The following KMT2C variants were observed in gnomAD, a reference collection of about 807,000 sequenced individuals.
KMT2C encodes histone-lysine N-methyltransferase 2C.
Under a neutral mutation model 507.9 loss-of-function variants are expected in KMT2C, and 88 were observed. The observed-to-expected ratio is 0.17, with a 90% CI of 0.15 to 0.21. The LOEUF (loss-of-function observed/expected upper bound fraction) is 0.21, where lower values mean the gene tolerates loss of function less well. Among genes scored for constraint, KMT2C ranks in the 10% least tolerant of loss-of-function variants. KMT2C has a pLI of 1.00. For missense variants in KMT2C, 4,954 were observed against 5,957.8 expected, an observed-to-expected ratio of 0.83 and a Z score of 5.55; for synonymous variants, 2,049 against 2,080.8, an observed-to-expected ratio of 0.98 and a Z score of 0.42.
At chr7:152,338,120 A>C (rs2096955218) in intron 2 of KMT2C, among the ~76,000 whole-genome samples, 1 of 152,144 alleles carries the variant, frequency 6.6e-6, no homozygotes, top group Non-Finnish European at 1.5e-5. Context: ...AGCCTCCCAA[A>C]GTGCTGGGAT....
intron 26 of KMT2C, 29 bp from the exon 27 acceptor site, chr7:152,199,488 G>GGTTA (rs3837082): frequency 0.041 from 58,135 of 1,418,212 alleles, 4,766 homozygotes; most frequent in African/African-American, 0.31. Flanking sequence ...ATACAAAAAT[G>GGTTA]GTTAGAAAAT....
intron 2 of KMT2C, among the ~76,000 whole-genome samples, chr7:152,331,982 G>GATT (rs1554651614): frequency 6.6e-6 from 1 of 151,840 alleles, no homozygotes; most frequent in Non-Finnish European, 1.5e-5. Flanking sequence ...TATAGCAATT[G>GATT]GTCTACAGAA....
rs1386888266 is a variant in KMT2C, at chr7:152,156,271, T to C, written c.11746A>G (p.Met3916Val). 1 of 1,614,134 alleles carries C rather than the reference T, an allele frequency of 6.2e-7. No homozygotes were observed. The highest frequency in any genetic ancestry group is 1.1e-5 in the South Asian group (1 of 91,084). ...TCAGTTGTTGCAAAACCATTGGCCATCTTCTGACAAGCCATAGGAGGTGGT... is the reference window on the plus strand; with the variant it reads ...TCAGTTGTTGCAAAACCATTGGCCACCTTCTGACAAGCCATAGGAGGTGGT... Reference protein sequence around the residue: ...PTPPPMACQKMANGFATTEEL... With the variant: ...PTPPPMACQKVANGFATTEEL... Residue 3916 changes from methionine to valine, a missense_variant, in exon 45 of 59, where the codon ATG (methionine) becomes GTG (valine). Met to Val is a conservative substitution (Grantham distance 21). Transcript: ENST00000262189.
rs2129129533 is a variant in KMT2C, at chr7:152,194,420, A to T, written c.4507+20T>A. On this transcript the variant is annotated intron_variant, in intron 29 of 58. Transcript: ENST00000262189. ...TACTCAGGTCTTTTAGAAAGCCTAG[A>T]TGTAGGGCAAATATTTTACCATCTG... The T allele has an allele frequency of 6.2e-7, 1 of 1,611,202 alleles. No homozygotes were observed.
Position 152,205,113 on chromosome 7 carries a change from T to C in KMT2C, c.3954A>G (p.Arg1318=). ...TTTAAGTCAGTACTATACCATCATC[T>C]CTGCAAGGTAACTGCTCGGAAATAG... ...SGSISEQLPC[R]DDGWSEQLPD... Residue 1318 remains arginine, a synonymous_variant, in exon 25 of 59, where the codon AGA becomes AGG. Transcript: ENST00000262189. 1 of 1,610,994 alleles carries C rather than the reference T, an allele frequency of 6.2e-7. No individual in the cohort carries two copies. The highest frequency in any genetic ancestry group is 8.5e-7 in the Non-Finnish European group (1 of 1,178,054).
intron 1 of KMT2C, among the ~76,000 whole-genome samples, chr7:152,392,763 G>C (rs2116560064): frequency 6.6e-6 from 1 of 152,260 alleles, no homozygotes; most frequent in East Asian, 1.9e-4. Flanking sequence ...TATCTGATGA[G>C]AAAGCTCACA....
intron 14 of KMT2C, among the ~76,000 whole-genome samples, chr7:152,242,975 C>T (rs201071618): frequency 2.6e-5 from 4 of 151,804 alleles, no homozygotes; most frequent in African/African-American, 7.3e-5. Flanking sequence ...GAGAGAGAGC[C>T]GAAAGGAAGA....
intron 6 of KMT2C, among the ~76,000 whole-genome samples, chr7:152,302,556 T>C (rs2096578884): frequency 6.6e-6 from 1 of 151,826 alleles, no homozygotes; most frequent in African/African-American, 2.4e-5. Flanking sequence ...AACAGAAATA[T>C]ACATTGGGGG....
At chr7:152,164,238 T>C (rs906464759) in intron 42 of KMT2C, among the ~76,000 whole-genome samples, 8 of 152,090 alleles carry the variant, frequency 5.3e-5, no homozygotes, top group African/African-American at 1.9e-4. Flanking sequence ...TAACTCAAAC[T>C]TGAACCATTT....
intron 1 of KMT2C, among the ~76,000 whole-genome samples, chr7:152,391,855 G>C (rs1443665874): frequency 6.6e-6 from 1 of 152,128 alleles, no homozygotes; most frequent in Non-Finnish European, 1.5e-5. Flanking sequence ...CTCCTCAAAA[G>C]AGCTGGAGTA....
At chr7:152,317,745 A>G (rs1395284326) in intron 3 of KMT2C, among the ~76,000 whole-genome samples, 9 of 152,204 alleles carry the variant, frequency 5.9e-5, no homozygotes, top group South Asian at 2.1e-4. Context: ...AGTGGCTCAC[A>G]CTGCAACCCC....
At chr7:152,200,245 G>GC (rs1440729769) in intron 26 of KMT2C, among the ~76,000 whole-genome samples, 1 of 152,138 alleles carries the variant, frequency 6.6e-6, no homozygotes, top group Non-Finnish European at 1.5e-5. Flanking sequence ...GTTCACTGTA[G>GC]CATATTTTGT....
At chr7:152,249,634 T>C (rs984901321) in intron 13 of KMT2C, among the ~76,000 whole-genome samples, 8 of 100,974 alleles carry the variant, frequency 7.9e-5, no homozygotes, top group African/African-American at 3.2e-4. Context: ...GTAACAGATC[T>C]GAAAGTACAA....
chr7:152,336,818 T>C (rs948157792), intron 2 of KMT2C, among the ~76,000 whole-genome samples: 4 of 152,174 alleles, frequency 2.6e-5, no homozygotes, highest in Admixed American at 1.3e-4. Flanking sequence ...TCCCTTACTT[T>C]GAACCTGACC....
At chr7:152,422,534 C>T (rs2097783931) in intron 1 of KMT2C, among the ~76,000 whole-genome samples, 1 of 152,066 alleles carries the variant, frequency 6.6e-6, no homozygotes, top group Admixed American at 6.6e-5. Flanking sequence ...ATCAACCGGG[C>T]CTCAACATGA....
At chr7:152,197,298 A>C (rs2093992717) in intron 27 of KMT2C, among the ~76,000 whole-genome samples, 1 of 152,164 alleles carries the variant, frequency 6.6e-6, no homozygotes, top group Non-Finnish European at 1.5e-5. Context: ...AACTATTGGA[A>C]CTCTTGTTTA....
At chr7:152,371,738 T>C (rs1025011533) in intron 1 of KMT2C, among the ~76,000 whole-genome samples, 3 of 152,002 alleles carry the variant, frequency 2.0e-5, no homozygotes, top group African/African-American at 7.2e-5. Flanking sequence ...CTCAGCCACC[T>C]GAGTAGCTAG....
chr7:152,149,337 C>T (rs1307771908), intron 51 of KMT2C, among the ~76,000 whole-genome samples, 185 bp from the exon 52 acceptor site: 1 of 152,194 alleles, frequency 6.6e-6, no homozygotes, highest in Non-Finnish European at 1.5e-5. Context: ...CTAAGGTGCA[C>T]AGGGATAGAG....
rs1249758583 is a variant in KMT2C at position 152,205,150 on chromosome 7, T to A, written c.3917A>T (p.Asp1306Val). ...CTGCTCGGAAATAGAGCCTGAGGAA[T>A]CTTTTCTGATCACAGATCTTTTGGT... ...GKTKRSVIRK[D>V]SSGSISEQLP... Residue 1306 changes from aspartate (D) to valine (V), a missense_variant, in exon 25 of 59, where the codon GAT (aspartate) becomes GTT (valine). Around this residue, in one of 29 missense-constraint regions of KMT2C, gnomAD observed 176 missense variants for 262.0 expected, o/e 0.67. Coordinates refer to ENST00000262189, the MANE Select transcript of KMT2C (RefSeq NM_170606.3). 6.2e-7 allele frequency: 1 copy of A among 1,612,074 alleles called. No individual in the cohort carries two copies. The highest frequency in any genetic ancestry group is 1.3e-5 in the African/African-American group (1 of 74,808).
Sources: gnomAD v4.1 joint callset for allele counts (sites outside exome capture counted in the v4.1 genomes callset) on GRCh38, gnomAD v4.1.1 for gene constraint, gnomAD v4.1.1 regional missense constraint, MANE v1.5 for transcripts, NCBI Gene and HGNC (gene_info 2026-07-23, HGNC 2026-07-21) for gene names.